The following ALPK2 variants were observed in gnomAD, a reference collection of about 807,000 sequenced individuals.
The protein encoded by ALPK2 is alpha kinase 2, also known as alpha-protein kinase 2.
Under a neutral mutation model 163.1 loss-of-function variants are expected in ALPK2, and 127 were observed. That is an observed-to-expected ratio of 0.78 (90% CI 0.67 to 0.90). ALPK2 has a LOEUF of 0.90. Among genes scored for constraint, ALPK2 ranks in the 40% least tolerant of loss-of-function variants. The probability of loss-of-function intolerance (pLI) is 0.00; values close to 1 mark genes in which losing one functional copy is unlikely to be tolerated. For missense variants in ALPK2, 2,360 were observed against 2,589.6 expected, an observed-to-expected ratio of 0.91 and a Z score of 1.92; for synonymous variants, 953 against 959.1, an observed-to-expected ratio of 0.99 and a Z score of 0.12.
At chr18:58,567,122 A>C (rs2144183434) in intron 4 of ALPK2, among the ~76,000 whole-genome samples, 1 of 152,042 alleles carries the variant, frequency 6.6e-6, no homozygotes, top group Admixed American at 6.6e-5. Context: ...ACGGTGGCTC[A>C]TGTCTATAAT....
intron 10 of ALPK2, among the ~76,000 whole-genome samples, chr18:58,513,266 G>A (rs1482805960): frequency 6.6e-6 from 1 of 151,820 alleles, no homozygotes; most frequent in East Asian, 1.9e-4. Context: ...TTTGTGTAGG[G>A]GGTGTGTATG....
At chr18:58,598,385 G>T (rs550612764) in intron 3 of ALPK2, among the ~76,000 whole-genome samples, 7 of 152,260 alleles carry the variant, frequency 4.6e-5, no homozygotes, top group African/African-American at 1.4e-4. Context: ...AGGTGATGGA[G>T]CCTGGAGGCA....
At chr18:58,490,485 T>TC (rs35117295) in intron 12 of ALPK2, among the ~76,000 whole-genome samples, 3 of 150,732 alleles carry the variant, frequency 2.0e-5, no homozygotes, top group African/African-American at 4.9e-5. Flanking sequence ...GTCCAGCCCC[T>TC]CCCCTTGGTT....
At chr18:58,576,109 C>T (rs906454355) in intron 4 of ALPK2, among the ~76,000 whole-genome samples, 3 of 152,200 alleles carry the variant, frequency 2.0e-5, no homozygotes, top group Non-Finnish European at 2.9e-5. Context: ...CGTGGTGGCT[C>T]ATGCCTGTAA....
At chr18:58,494,783 G>A (rs1490093332) in intron 12 of ALPK2, among the ~76,000 whole-genome samples, 1 of 152,162 alleles carries the variant, frequency 6.6e-6, no homozygotes, top group Non-Finnish European at 1.5e-5. Flanking sequence ...TCTGCAGTCT[G>A]CGATGCTCGC....
Position 58,536,651 on chromosome 18 carries a change from G to T in ALPK2, c.3536C>A (p.Ser1179Tyr), listed in dbSNP as rs755323920. 1.2e-6 allele frequency: 2 copies of T among 1,614,142 alleles called. No individual in the cohort carries two copies. Among genetic ancestry groups the T allele is most frequent in the African/African-American group, 2.7e-5 (2 of 75,026 alleles). Residue 1179 changes from serine (S) to tyrosine (Y), a missense_variant, in exon 5 of 13, where the codon TCT becomes TAT. Transcript: ENST00000361673. The stretch of plus-strand genomic sequence containing the variant: ...TGAGCGCTGCCCTGCTCCTTCCCTA[G>T]AGCTTGCGGGTGAGTGGGCCGTGGG... ...LVPTAHSPAS[S>Y]REGAGQRSGW...
At chr18:58,547,868 T>A (rs1013696284) in intron 4 of ALPK2, among the ~76,000 whole-genome samples, 8 of 152,222 alleles carry the variant, frequency 5.3e-5, no homozygotes, top group African/African-American at 1.9e-4. Flanking sequence ...ACTGAAACTT[T>A]CCTGCAGATT....
chr18:58,521,926 C>T (rs2051556546), intron 8 of ALPK2, among the ~76,000 whole-genome samples: 1 of 152,058 alleles, frequency 6.6e-6, no homozygotes, highest in Non-Finnish European at 1.5e-5. Flanking sequence ...CGCGCCTGGC[C>T]TATTGCTAGA....
intron 4 of ALPK2, among the ~76,000 whole-genome samples, chr18:58,577,427 G>A (rs749263699): frequency 8.5e-5 from 13 of 152,164 alleles, no homozygotes; most frequent in Non-Finnish European, 1.8e-4. Context: ...ATAAATGACT[G>A]TAAAAAAAGC....
In ALPK2 at chr18:58,531,912, A is replaced by G. The variant is rs1030650715; in HGVS notation, c.5354-2674T>C. On this transcript the variant is annotated intron_variant, in intron 5 of 12. Transcript: ENST00000361673. Reference sequence around the variant, plus strand: ...AGATTGCACCACTGTGCTCCAGCCTAGTGACAGAGCAAGGCTCCGTCTCAA... The same window carrying G: ...AGATTGCACCACTGTGCTCCAGCCTGGTGACAGAGCAAGGCTCCGTCTCAA... Among the ~76,000 whole-genome samples, 3 of 121,880 alleles carry G rather than the reference A, an allele frequency of 2.5e-5. No individual in the cohort carries two copies. The Admixed American group carries it at 3.2e-4, about 13-fold the overall frequency. 80.0% of individuals were successfully genotyped at this position (121,880 alleles called of 152,430 possible).
intron 1 of ALPK2, among the ~76,000 whole-genome samples, chr18:58,621,768 G>A (rs545974913): frequency 1.3e-5 from 2 of 152,228 alleles, no homozygotes; most frequent in African/African-American, 4.8e-5. Context: ...TATCTTTCTG[G>A]ATACCTTGAA....
intron 4 of ALPK2, among the ~76,000 whole-genome samples, chr18:58,572,900 T>C (rs930454155): frequency 2.0e-5 from 3 of 152,208 alleles, no homozygotes; most frequent in African/African-American, 7.2e-5. Flanking sequence ...CAGTAGATTG[T>C]ATCAATGTCA....
rs2144090067 is a variant in ALPK2 at position 58,482,115 on chromosome 18, A to G, written c.6297-76T>C. 5 of 1,079,222 alleles carry G rather than the reference A, an allele frequency of 4.6e-6. No homozygotes were observed. The East Asian group carries it at 7.1e-5, about 15-fold the overall frequency. 66.9% of individuals were successfully genotyped at this position (1,079,222 alleles called of 1,614,324 possible). A position where few individuals can be genotyped will look rare whatever the true frequency, so the allele number is the denominator to read the frequency against. Reference sequence around the variant, plus strand: ...ATCAGTTTAAAAAGAAAAACTTGAAAGGGAAAACTAATGGTGCATGGAACA... The same window carrying G: ...ATCAGTTTAAAAAGAAAAACTTGAAGGGGAAAACTAATGGTGCATGGAACA... On this transcript the variant is annotated intron_variant, in intron 12 of 12. Transcript: ENST00000361673.
intron 10 of ALPK2, chr18:58,511,631 A>T (rs996254080): frequency 6.6e-5 from 10 of 152,276 alleles, no homozygotes; most frequent in African/African-American, 2.4e-4. Flanking sequence ...ATTAAAACAA[A>T]TATAGTCATA....
chr18:58,543,379 G>A (rs2051701375), intron 4 of ALPK2: 4 of 985,442 alleles, frequency 4.1e-6, no homozygotes, highest in Non-Finnish European at 4.8e-6. Context: ...ACCTCAGGCG[G>A]CTATGTGTAG....
At chr18:58,568,801 A>G (rs2051870187) in intron 4 of ALPK2, among the ~76,000 whole-genome samples, 1 of 152,254 alleles carries the variant, frequency 6.6e-6, no homozygotes, top group Non-Finnish European at 1.5e-5. Context: ...AGGAGGATGT[A>G]TATAAGTTAT....
chr18:58,491,622 A>G lies in ALPK2; in HGVS notation c.6296+6427T>C, dbSNP rs969702370. 9.9e-5 allele frequency among the ~76,000 whole-genome samples: 15 copies of G among 152,240 alleles called. 1 individual carries two copies. The highest frequency in any genetic ancestry group is 4.2e-4 in the South Asian group (2 of 4,814). ...TACGATTTCGTCTCCCACCTGACCA[A>G]TCAGCACTACCCCCACTTCCCGACC... is the stretch of plus-strand genomic sequence containing the variant. On this transcript the variant is annotated intron_variant, in intron 12 of 12. Transcript: ENST00000361673.
At position 58,482,044 on chromosome 18, in the gene ALPK2, G is replaced by T; in HGVS notation, c.6297-5C>A. 1 of 1,608,218 alleles carries T rather than the reference G, an allele frequency of 6.2e-7. No homozygotes were observed. Among genetic ancestry groups the T allele is most frequent in the South Asian group, 1.1e-5 (1 of 90,706 alleles). The stretch of plus-strand genomic sequence containing the variant: ...TTGCCTTTAAATCCCTTGTACCTGT[G>T]AGTTTGGGTGGAAGGAAACATAGCT... On this transcript the variant is annotated splice_polypyrimidine_tract_variant and splice_region_variant and intron_variant, in intron 12 of 12. Coordinates refer to ENST00000361673, the MANE Select transcript of ALPK2 (RefSeq NM_052947.4).
At chr18:58,533,149 C>A (rs970277301) in intron 5 of ALPK2, among the ~76,000 whole-genome samples, 1 of 152,220 alleles carries the variant, frequency 6.6e-6, no homozygotes, top group African/African-American at 2.4e-5. Flanking sequence ...TCCCAGAAGG[C>A]GGCATGCTCG....
Sources: allele counts gnomAD v4.1 joint callset (sites outside exome capture counted in the v4.1 genomes callset), GRCh38; gene constraint gnomAD v4.1.1; transcripts MANE v1.5; gene names NCBI Gene and HGNC (gene_info 2026-07-23, HGNC 2026-07-21).